The following RIMS2 variants were observed in gnomAD, a reference collection of about 807,000 sequenced individuals.
RIMS2 encodes regulating synaptic membrane exocytosis protein 2.
In RIMS2, 59 loss-of-function variants were observed where a neutral mutation model predicts 174.4. The observed-to-expected ratio is 0.34, with a 90% CI of 0.27 to 0.42. The LOEUF (loss-of-function observed/expected upper bound fraction) is 0.42, where lower values mean the gene tolerates loss of function less well. RIMS2 is among the 10% of genes least tolerant of loss of function. RIMS2 has a pLI of 1.00. For synonymous variants in RIMS2, 606 were observed against 572.5 expected (o/e 1.06, Z -0.84); for missense variants, 1,620 against 1,666.3 (o/e 0.97, Z 0.48).
chr8:104,185,463 C>A (rs552558640), intron 19 of RIMS2, among the ~76,000 whole-genome samples: 1 of 151,490 alleles, frequency 6.6e-6, no homozygotes, highest in African/African-American at 2.4e-5. Context: ...AAAATTCTGA[C>A]AAGAGGCGCT....
At chr8:103,991,001 A>G (rs1007051589) in intron 17 of RIMS2, among the ~76,000 whole-genome samples, 17 of 151,972 alleles carry the variant, frequency 1.1e-4, no homozygotes, top group Non-Finnish European at 2.2e-4. Context: ...AAAGCTTCCT[A>G]TTAAAGCCTA....
intron 19 of RIMS2, among the ~76,000 whole-genome samples, chr8:104,071,504 A>T (rs1206773425): frequency 2.0e-5 from 3 of 152,106 alleles, no homozygotes; most frequent in Non-Finnish European, 4.4e-5. Flanking sequence ...GCACCATATC[A>T]GCTCACTGCA....
chr8:103,567,039 G>A (rs985341761), intron 1 of RIMS2, among the ~76,000 whole-genome samples: 1 of 151,966 alleles, frequency 6.6e-6, no homozygotes, highest in Admixed American at 6.6e-5. Context: ...ATCTTTCTAT[G>A]GATTTGCCTG....
intron 19 of RIMS2, among the ~76,000 whole-genome samples, chr8:104,100,273 A>T (rs1178571555): frequency 6.6e-6 from 1 of 152,170 alleles, no homozygotes; most frequent in Admixed American, 6.5e-5. Flanking sequence ...TAGTGTATAG[A>T]AATACAATTA....
intron 3 of RIMS2, among the ~76,000 whole-genome samples, chr8:103,813,997 C>T (rs2098703917): frequency 1.3e-5 from 2 of 152,102 alleles, no homozygotes; most frequent in South Asian, 4.1e-4. Context: ...TTGCATCAAT[C>T]TAAATGCCCA....
At chr8:103,817,192 G>A (rs2098723220) in intron 3 of RIMS2, among the ~76,000 whole-genome samples, 1 of 152,210 alleles carries the variant, frequency 6.6e-6, no homozygotes, top group East Asian at 1.9e-4. Flanking sequence ...TGAGGTAAAT[G>A]GAAGAAGCCC....
At chr8:103,885,318 C>T (rs1469685006) in exon 4 of RIMS2, 3 of 1,588,616 alleles carry the variant, frequency 1.9e-6, no homozygotes, top group Admixed American at 3.4e-5. Flanking sequence ...CCATCTGTGT[C>T]CAGAGATCAG....
At chr8:103,890,012 T>C (rs2099233469) in intron 4 of RIMS2, among the ~76,000 whole-genome samples, 1 of 151,990 alleles carries the variant, frequency 6.6e-6, no homozygotes, top group Non-Finnish European at 1.5e-5. Flanking sequence ...AATCTGTAAA[T>C]CAGGATAATA....
At chr8:103,959,559 A>G (rs1026862500) in intron 14 of RIMS2, among the ~76,000 whole-genome samples, 2 of 151,736 alleles carry the variant, frequency 1.3e-5, no homozygotes, top group African/African-American at 4.9e-5. Flanking sequence ...GCATGCCGCC[A>G]TGCCTGACTA....
intron 3 of RIMS2, among the ~76,000 whole-genome samples, chr8:103,802,592 T>C (rs551916980): frequency 7.1e-6 from 1 of 141,542 alleles, no homozygotes; most frequent in African/African-American, 2.6e-5. Flanking sequence ...TTAGATCTTT[T>C]TGTAAAGCAA....
intron 4 of RIMS2, among the ~76,000 whole-genome samples, chr8:103,899,306 C>T (rs1207171869): frequency 6.6e-6 from 1 of 151,746 alleles, no homozygotes; most frequent in African/African-American, 2.4e-5. Context: ...CACTGTCTTC[C>T]ACAATGGTTG....
At chr8:103,707,496 T>G (rs1478356246) in intron 2 of RIMS2, among the ~76,000 whole-genome samples, 1 of 152,196 alleles carries the variant, frequency 6.6e-6, no homozygotes, top group African/African-American at 2.4e-5. Flanking sequence ...TAGAGGGCAC[T>G]CTAAGCCCAT....
chr8:104,009,626 T>C (rs1251769489), intron 17 of RIMS2, among the ~76,000 whole-genome samples: 1 of 152,134 alleles, frequency 6.6e-6, no homozygotes, highest in Non-Finnish European at 1.5e-5. Flanking sequence ...TTCTATACAG[T>C]ATGGATATAG....
chr8:103,952,316 A>G (rs894846942), intron 14 of RIMS2, among the ~76,000 whole-genome samples: 1 of 152,202 alleles, frequency 6.6e-6, no homozygotes, highest in African/African-American at 2.4e-5. Context: ...CCTGACTAGG[A>G]GACACCTCCC....
intron 4 of RIMS2, among the ~76,000 whole-genome samples, chr8:103,896,928 G>A (rs1282273955): frequency 2.6e-5 from 4 of 151,530 alleles, no homozygotes; most frequent in Non-Finnish European, 4.4e-5. Context: ...ATTCTATTTG[G>A]TATTAAAAAA....
At chr8:103,881,776 A>G (rs924028630) in intron 3 of RIMS2, among the ~76,000 whole-genome samples, 1 of 151,544 alleles carries the variant, frequency 6.6e-6, no homozygotes, top group Non-Finnish European at 1.5e-5. Context: ...GGTTTTCTAT[A>G]AACTGGTTCT....
chr8:103,597,716 C>G (rs1157548502), intron 1 of RIMS2, among the ~76,000 whole-genome samples: 1 of 145,218 alleles, frequency 6.9e-6, no homozygotes, highest in Admixed American at 6.8e-5. Context: ...ATAAAGGCAC[C>G]TCATGTTATT....
chr8:104,045,509 A>G (rs943746271), intron 19 of RIMS2, among the ~76,000 whole-genome samples: 4 of 151,902 alleles, frequency 2.6e-5, no homozygotes, highest in Non-Finnish European at 5.9e-5. Flanking sequence ...GTTACATGAA[A>G]CAACATCTTA....
chr8:103,967,841 C>T (rs2092295514), intron 15 of RIMS2, among the ~76,000 whole-genome samples: 1 of 148,040 alleles, frequency 6.8e-6, no homozygotes, highest in South Asian at 2.1e-4. Flanking sequence ...AATTAGTGTA[C>T]CTACTCCTGC....
Sources: gnomAD v4.1 joint callset for allele counts (sites outside exome capture counted in the v4.1 genomes callset) on GRCh38, gnomAD v4.1.1 for gene constraint, MANE v1.5 for transcripts, NCBI Gene and HGNC (gene_info 2026-07-23, HGNC 2026-07-21) for gene names.